The following RABGAP1L variants were observed in gnomAD, a reference collection of about 807,000 sequenced individuals.
RABGAP1L encodes the protein rab GTPase-activating protein 1-like.
A neutral mutation model predicts 137.7 loss-of-function variants in RABGAP1L; 63 were observed. The ratio of observed to expected loss-of-function variants is 0.46; its 90% CI spans 0.37 to 0.56. The LOEUF (loss-of-function observed/expected upper bound fraction) is 0.56, where lower values mean the gene tolerates loss of function less well. Among genes scored for constraint, RABGAP1L ranks in the 20% least tolerant of loss-of-function variants. The probability of loss-of-function intolerance (pLI) is 0.00; values close to 1 mark genes in which losing one functional copy is unlikely to be tolerated. For synonymous variants in RABGAP1L, 431 were observed against 433.7 expected (o/e 0.99, Z 0.08); for missense variants, 1,095 against 1,244.0 (o/e 0.88, Z 1.80).
At chr1:174,622,719 C>T (rs1430527220) in intron 13 of RABGAP1L, among the ~76,000 whole-genome samples, 1 of 152,048 alleles carries the variant, frequency 6.6e-6, no homozygotes, top group Non-Finnish European at 1.5e-5. Context: ...TGAGGGAAGG[C>T]AGGAGGGATA....
intron 13 of RABGAP1L, among the ~76,000 whole-genome samples, chr1:174,611,209 A>T (rs1389555461): frequency 1.4e-5 from 2 of 146,114 alleles, no homozygotes; most frequent in Non-Finnish European, 3.0e-5. Flanking sequence ...TAAGTCTTTT[A>T]TCCATCTTGA....
intron 15 of RABGAP1L, among the ~76,000 whole-genome samples, chr1:174,695,072 T>C (rs903706496): frequency 3.9e-5 from 6 of 152,222 alleles, no homozygotes; most frequent in African/African-American, 1.4e-4. Flanking sequence ...TAAATTTGTT[T>C]GAGTTCATTG....
chr1:174,895,513 T>A (rs1171467672), intron 19 of RABGAP1L, among the ~76,000 whole-genome samples: 5 of 151,996 alleles, frequency 3.3e-5, no homozygotes, highest in Non-Finnish European at 7.4e-5. Flanking sequence ...TACATATGTA[T>A]ACATGTGCCA....
intron 17 of RABGAP1L, among the ~76,000 whole-genome samples, chr1:174,704,644 G>A (rs1009353743): frequency 2.6e-5 from 4 of 152,104 alleles, no homozygotes; most frequent in African/African-American, 7.2e-5. Flanking sequence ...TTAATTCTCC[G>A]ACTTGTTTTA....
chr1:174,665,099 A>G (rs1005918596), intron 14 of RABGAP1L, among the ~76,000 whole-genome samples: 4 of 152,104 alleles, frequency 2.6e-5, no homozygotes, highest in Non-Finnish European at 4.4e-5. Flanking sequence ...ATAGTCATGA[A>G]ATGCAGATTA....
intron 19 of RABGAP1L, among the ~76,000 whole-genome samples, chr1:174,917,932 T>TAA (rs77326102): frequency 0.027 from 3,165 of 116,352 alleles, 56 homozygotes; most frequent in Middle Eastern, 0.09. Context: ...GACTCTGTCT[T>TAA]AAAAAAAAAA....
chr1:174,300,230 A>G (rs191792186), intron 10 of RABGAP1L, among the ~76,000 whole-genome samples: 6 of 152,318 alleles, frequency 3.9e-5, no homozygotes, highest in African/African-American at 1.4e-4. Context: ...GAAGTATTTG[A>G]AAAGCCAGGT....
chr1:174,638,503 A>G (rs1395588633), intron 14 of RABGAP1L, among the ~76,000 whole-genome samples: 3 of 151,592 alleles, frequency 2.0e-5, no homozygotes, highest in African/African-American at 7.3e-5. Context: ...CTAGAACTAG[A>G]AATACCATTT....
At chr1:174,535,958 C>A (rs1410594602) in intron 13 of RABGAP1L, among the ~76,000 whole-genome samples, 1 of 152,058 alleles carries the variant, frequency 6.6e-6, no homozygotes. Context: ...ACAGTGCCTG[C>A]ACATTAGTAG....
chr1:174,597,596 C>G (rs1670061070), intron 13 of RABGAP1L, among the ~76,000 whole-genome samples: 1 of 151,694 alleles, frequency 6.6e-6, no homozygotes, highest in Non-Finnish European at 1.5e-5. Flanking sequence ...TGTCTTCTCT[C>G]TTTTTTTCTT....
chr1:174,752,800 G>A (rs1393170251), intron 18 of RABGAP1L, among the ~76,000 whole-genome samples: 1 of 152,122 alleles, frequency 6.6e-6, no homozygotes, highest in Non-Finnish European at 1.5e-5. Context: ...TCAATTTGCA[G>A]TTCTTTCCAT....
At chr1:174,346,379 T>C (rs1682429666) in intron 11 of RABGAP1L, among the ~76,000 whole-genome samples, 1 of 152,196 alleles carries the variant, frequency 6.6e-6, no homozygotes, top group Non-Finnish European at 1.5e-5. Flanking sequence ...CCTGGACTTT[T>C]CTTTGCTGAA....
At chr1:174,349,732 G>T (rs1682895641) in intron 11 of RABGAP1L, among the ~76,000 whole-genome samples, 1 of 138,906 alleles carries the variant, frequency 7.2e-6, no homozygotes, top group African/African-American at 2.6e-5. Context: ...CGGGCGGGGG[G>T]CTGACCCCCC....
At chr1:174,412,355 GTTA>G (rs1434292113) in intron 13 of RABGAP1L, among the ~76,000 whole-genome samples, 1 of 152,096 alleles carries the variant, frequency 6.6e-6, no homozygotes, top group Non-Finnish European at 1.5e-5. Flanking sequence ...GGCTTTGGGT[GTTA>G]TTATGTGTGA....
intron 19 of RABGAP1L, among the ~76,000 whole-genome samples, chr1:174,955,282 A>G (rs1668348083): frequency 6.6e-6 from 1 of 152,166 alleles, no homozygotes; most frequent in African/African-American, 2.4e-5. Context: ...ATATTCTCAT[A>G]ATGTGGTTGT....
intron 13 of RABGAP1L, among the ~76,000 whole-genome samples, chr1:174,552,707 A>G (rs374144365): frequency 6.6e-6 from 1 of 152,236 alleles, no homozygotes; most frequent in African/African-American, 2.4e-5. Context: ...CGTCTTTATA[A>G]CAGAATGATT....
chr1:174,968,897 C>A (rs1180008748), intron 20 of RABGAP1L, among the ~76,000 whole-genome samples: 3 of 152,098 alleles, frequency 2.0e-5, no homozygotes, highest in African/African-American at 7.2e-5. Flanking sequence ...CTTGTGGTTT[C>A]TCTTGAGGTC....
At chr1:174,384,881 GTAAT>G (rs1004180750) in intron 12 of RABGAP1L, among the ~76,000 whole-genome samples, 6 of 152,082 alleles carry the variant, frequency 3.9e-5, no homozygotes, top group East Asian at 1.9e-4. Flanking sequence ...TCTATATTTG[GTAAT>G]TAATTATCTT....
At chr1:174,195,090 C>T (rs1434037239) in intron 1 of RABGAP1L, among the ~76,000 whole-genome samples, 1 of 151,934 alleles carries the variant, frequency 6.6e-6, no homozygotes, top group Non-Finnish European at 1.5e-5. Flanking sequence ...GATCTCTTTT[C>T]TGAGTTCTTG....
Sources: allele counts gnomAD v4.1 joint callset (sites outside exome capture counted in the v4.1 genomes callset), GRCh38; gene constraint gnomAD v4.1.1; transcripts MANE v1.5; gene names NCBI Gene and HGNC (gene_info 2026-07-23, HGNC 2026-07-21).